The following ANKRD13C variants were observed in gnomAD, a reference collection of about 807,000 sequenced individuals.
ANKRD13C encodes ankyrin repeat domain-containing protein 13C.
ANKRD13C carries 16 observed loss-of-function variants against 65.5 expected under a neutral mutation model. The observed-to-expected ratio is 0.24, with a 90% CI of 0.17 to 0.37. ANKRD13C has a LOEUF of 0.37. Among genes scored for constraint, ANKRD13C ranks in the 10% least tolerant of loss-of-function variants. The pLI is 1.00. For missense variants in ANKRD13C, 503 were observed against 655.9 expected (o/e 0.77, Z 2.55); for synonymous variants, 235 against 238.7 (o/e 0.98, Z 0.14).
At chr1:70,327,760 T>A (rs2101552117) in intron 2 of ANKRD13C, among the ~76,000 whole-genome samples, 1 of 152,242 alleles carries the variant, frequency 6.6e-6, no homozygotes, top group Middle Eastern at 3.4e-3. Flanking sequence ...TCAAATGGTA[T>A]AACAACAATA....
chr1:70,340,554 GTGT>G (rs1217758297), intron 1 of ANKRD13C, among the ~76,000 whole-genome samples: 1 of 152,058 alleles, frequency 6.6e-6, no homozygotes, highest in Non-Finnish European at 1.5e-5. Context: ...CATTTTAATG[GTGT>G]TGTTCGTATT....
intron 9 of ANKRD13C, among the ~76,000 whole-genome samples, chr1:70,282,116 G>A (rs566810320): frequency 6.8e-5 from 10 of 146,188 alleles, no homozygotes; most frequent in African/African-American, 1.0e-4. Flanking sequence ...GTGTAGTAGC[G>A]CGATCTCGGC....
At chr1:70,344,294 T>TAAAA (rs1350782949) in intron 1 of ANKRD13C, among the ~76,000 whole-genome samples, 9 of 82,178 alleles carry the variant, frequency 1.1e-4, no homozygotes, top group African/African-American at 4.4e-4. Context: ...AGATTCCATC[T>TAAAA]CAAAAAAAAA....
intron 11 of ANKRD13C, among the ~76,000 whole-genome samples, chr1:70,272,077 T>C (rs916201227): frequency 6.6e-6 from 1 of 152,220 alleles, no homozygotes; most frequent in Non-Finnish European, 1.5e-5. Flanking sequence ...CATTTCATTT[T>C]ACTGTCTTAT....
intron 12 of ANKRD13C, among the ~76,000 whole-genome samples, chr1:70,269,452 T>C (rs1258725202): frequency 6.6e-6 from 1 of 152,228 alleles, no homozygotes; most frequent in African/African-American, 2.4e-5. Context: ...TGGTTTGTCA[T>C]GGGTCTCTTA....
intron 5 of ANKRD13C, among the ~76,000 whole-genome samples, chr1:70,308,905 C>T (rs187737955): frequency 1.3e-5 from 2 of 152,260 alleles, no homozygotes; most frequent in East Asian, 3.9e-4. Context: ...AGTTAAACAA[C>T]CAACCTATTT....
At chr1:70,339,217 A>C (rs1302985979) in intron 1 of ANKRD13C, among the ~76,000 whole-genome samples, 1 of 152,034 alleles carries the variant, frequency 6.6e-6, no homozygotes, top group Non-Finnish European at 1.5e-5. Context: ...CTCAAAAAAA[A>C]AAAAAAAGCA....
chr1:70,341,700 C>T (rs540928444), intron 1 of ANKRD13C, among the ~76,000 whole-genome samples: 22 of 152,156 alleles, frequency 1.4e-4, no homozygotes, highest in Admixed American at 3.3e-4. Context: ...TGTTCTATAT[C>T]CCTTTTGCTT....
intron 7 of ANKRD13C, among the ~76,000 whole-genome samples, chr1:70,297,944 A>G (rs1273316231): frequency 1.3e-5 from 2 of 151,800 alleles, no homozygotes; most frequent in Non-Finnish European, 2.9e-5. Context: ...AGAACAAACA[A>G]ACAAAAAAAT....
chr1:70,327,996 C>A (rs979838654), intron 2 of ANKRD13C, among the ~76,000 whole-genome samples: 1 of 151,934 alleles, frequency 6.6e-6, no homozygotes, highest in Non-Finnish European at 1.5e-5. Context: ...ACCCAGAAGG[C>A]GGAGGTTGCA....
intron 1 of ANKRD13C, among the ~76,000 whole-genome samples, chr1:70,340,152 T>C (rs762169613): frequency 2.0e-5 from 3 of 152,132 alleles, no homozygotes; most frequent in Non-Finnish European, 4.4e-5. Context: ...GCCTGGTCTA[T>C]TAATTTTATT....
chr1:70,286,131 T>A (rs755889472), intron 9 of ANKRD13C, among the ~76,000 whole-genome samples: 3 of 152,160 alleles, frequency 2.0e-5, no homozygotes, highest in Non-Finnish European at 4.4e-5. Flanking sequence ...ACCTATCAAT[T>A]CTATTTTGTT....
chr1:70,275,501 G>A (rs1679088645), intron 10 of ANKRD13C, among the ~76,000 whole-genome samples: 1 of 150,186 alleles, frequency 6.7e-6, no homozygotes, highest in South Asian at 2.1e-4. Flanking sequence ...TGCCTGGAAT[G>A]TCCTTTTTTT....
intron 1 of ANKRD13C, among the ~76,000 whole-genome samples, chr1:70,346,443 A>T (rs1255997046): frequency 6.6e-6 from 1 of 152,102 alleles, no homozygotes; most frequent in Admixed American, 6.6e-5. Context: ...CACCAATGAA[A>T]ATGTCTGCAG....
chr1:70,294,181 A>G (rs1679978558), intron 8 of ANKRD13C, among the ~76,000 whole-genome samples: 1 of 152,204 alleles, frequency 6.6e-6, no homozygotes, highest in South Asian at 2.1e-4. Context: ...ACACTTTATG[A>G]AAAAGTAAGC....
At chr1:70,344,184 G>A (rs1030337659) in intron 1 of ANKRD13C, among the ~76,000 whole-genome samples, 3 of 151,682 alleles carry the variant, frequency 2.0e-5, no homozygotes, top group Non-Finnish European at 4.4e-5. Flanking sequence ...TGTAGTCCCA[G>A]CTATTCAGGA....
intron 3 of ANKRD13C, among the ~76,000 whole-genome samples, chr1:70,323,708 C>A (rs1161068413): frequency 6.6e-6 from 1 of 150,722 alleles, no homozygotes; most frequent in African/African-American, 2.4e-5. Context: ...ATGTGCGGTA[C>A]AATATACAGC....
At position 70,262,449 on chromosome 1, in the gene ANKRD13C, CTT is replaced by C; in HGVS notation, c.*266_*267del. The C allele has an allele frequency of 5.0e-6, 1 of 199,302 alleles. No homozygotes were observed. The highest frequency in any genetic ancestry group is 1.0e-5 in the Non-Finnish European group (1 of 97,518). The allele number at this position is 199,302 out of a possible 1,614,324, so 12.3% of individuals were successfully genotyped here. A position where few individuals can be genotyped will look rare whatever the true frequency, so the allele number is the denominator to read the frequency against. On this transcript the variant is annotated 3_prime_UTR_variant, in exon 13 of 13. Transcript: ENST00000370944. ...AAACAAATCACAGCACTCATAGCTG[CTT>C]CACATACGCAGGTCTTAGGGTCATT...
At chr1:70,337,862 G>A (rs550674367) in intron 1 of ANKRD13C, among the ~76,000 whole-genome samples, 15 of 152,294 alleles carry the variant, frequency 9.8e-5, no homozygotes, top group African/African-American at 3.1e-4. Flanking sequence ...CACTTTGGGA[G>A]GCCAAAAGGG....
Sources: allele counts gnomAD v4.1 joint callset (sites outside exome capture counted in the v4.1 genomes callset), GRCh38; gene constraint gnomAD v4.1.1; transcripts MANE v1.5; gene names NCBI Gene and HGNC (gene_info 2026-07-23, HGNC 2026-07-21).